PTPRO: variants seen among roughly 807,000 people sequenced by gnomAD.
PTPRO encodes the protein protein tyrosine phosphatase receptor type O, also known as receptor-type tyrosine-protein phosphatase O.
PTPRO carries 62 observed loss-of-function variants against 145.2 expected under a neutral mutation model. The ratio of observed to expected loss-of-function variants is 0.43; its 90% CI spans 0.35 to 0.53. The LOEUF (loss-of-function observed/expected upper bound fraction) is 0.53, where lower values mean the gene tolerates loss of function less well. PTPRO is among the 20% of genes least tolerant of loss of function. PTPRO has a pLI of 0.01. For synonymous variants in PTPRO, 565 were observed against 514.7 expected (o/e 1.10, Z -1.32); for missense variants, 1,345 against 1,482.7 (o/e 0.91, Z 1.53).
At chr12:15,572,630 TAC>T (rs1402353289) in intron 19 of PTPRO, among the ~76,000 whole-genome samples, 2 of 145,184 alleles carry the variant, frequency 1.4e-5, no homozygotes, top group African/African-American at 5.0e-5. Flanking sequence ...GAAAATGAAA[TAC>T]CATTTTTTTC....
intron 1 of PTPRO, among the ~76,000 whole-genome samples, chr12:15,323,137 C>T (rs909303421): frequency 1.3e-5 from 2 of 152,210 alleles, no homozygotes; most frequent in African/African-American, 4.8e-5. Context: ...TTTCTGGTTT[C>T]CACTGCACCC....
At chr12:15,345,532 T>C (rs11056434) in intron 1 of PTPRO, among the ~76,000 whole-genome samples, 35,590 of 151,924 alleles carry the variant, frequency 0.23, 4,526 homozygotes, top group Non-Finnish European at 0.3. Context: ...ACCACATGTT[T>C]GCGTTCATAA....
At chr12:15,466,075 G>A (rs1941408041) in intron 1 of PTPRO, among the ~76,000 whole-genome samples, 1 of 152,102 alleles carries the variant, frequency 6.6e-6, no homozygotes, top group Admixed American at 6.5e-5. Context: ...TCAGATGAGA[G>A]AACTGAGTCT....
rs183478073 is a variant in PTPRO at position 15,333,057 on chromosome 12, T to C, written c.75+10256T>C. Among the ~76,000 whole-genome samples, 37 of 152,268 alleles carry C rather than the reference T, an allele frequency of 2.4e-4. No homozygotes were observed. The East Asian group carries it at 2.7e-3, about 11-fold the overall frequency. ...ATTTTTTTCTTTTTTATAGCCCCAA[T>C]AACAAATTGAGTAGAAAACAGTTTT... On this transcript the variant is annotated intron_variant, in intron 1 of 26. Transcript: ENST00000281171.
intron 1 of PTPRO, among the ~76,000 whole-genome samples, chr12:15,452,123 A>G (rs918618506): frequency 1.3e-5 from 2 of 152,186 alleles, no homozygotes; most frequent in African/African-American, 4.8e-5. Flanking sequence ...AAGAAGAGAG[A>G]AGATCCAAAT....
At chr12:15,530,256 G>A (rs960503757) in intron 12 of PTPRO, among the ~76,000 whole-genome samples, 1 of 152,162 alleles carries the variant, frequency 6.6e-6, no homozygotes, top group African/African-American at 2.4e-5. Context: ...TAAAGGAACA[G>A]ATAGACTTAA....
At chr12:15,323,316 T>C (rs990394958) in intron 1 of PTPRO, among the ~76,000 whole-genome samples, 1 of 152,156 alleles carries the variant, frequency 6.6e-6, no homozygotes, top group Non-Finnish European at 1.5e-5. Context: ...GAGTGTCAGG[T>C]AGAGAGCTTG....
intron 1 of PTPRO, among the ~76,000 whole-genome samples, chr12:15,415,709 C>T (rs1457846473): frequency 6.6e-6 from 1 of 151,748 alleles, no homozygotes; most frequent in Admixed American, 6.6e-5. Flanking sequence ...TTATTACACA[C>T]TCCATTGATT....
intron 1 of PTPRO, among the ~76,000 whole-genome samples, chr12:15,446,040 G>A: frequency 6.6e-6 from 1 of 152,084 alleles, no homozygotes; most frequent in East Asian, 1.9e-4. Flanking sequence ...TTTTTAAACA[G>A]TGAACCACTC....
intron 1 of PTPRO, among the ~76,000 whole-genome samples, chr12:15,343,919 C>T (rs1462717998): frequency 6.6e-6 from 1 of 152,100 alleles, no homozygotes; most frequent in Admixed American, 6.5e-5. Flanking sequence ...CTCCTGACCT[C>T]GTGATCCGCC....
intron 1 of PTPRO, among the ~76,000 whole-genome samples, chr12:15,349,198 G>A (rs1937708038): frequency 6.6e-6 from 1 of 152,264 alleles, no homozygotes; most frequent in East Asian, 1.9e-4. Flanking sequence ...TGGGATCAGG[G>A]AAAATTTCAG....
chr12:15,461,849 A>G (rs1941311252), intron 1 of PTPRO, among the ~76,000 whole-genome samples: 1 of 151,986 alleles, frequency 6.6e-6, no homozygotes, highest in Admixed American at 6.5e-5. Flanking sequence ...TACAGGCGTG[A>G]GCAACCATGC....
chr12:15,500,020 C>A (rs1430553017), intron 4 of PTPRO, among the ~76,000 whole-genome samples: 1 of 151,582 alleles, frequency 6.6e-6, no homozygotes, highest in African/African-American at 2.4e-5. Context: ...AGTAGCACCA[C>A]TAATATGAAG....
intron 16 of PTPRO, among the ~76,000 whole-genome samples, chr12:15,559,877 A>G (rs929113599): frequency 6.6e-6 from 1 of 152,194 alleles, no homozygotes; most frequent in Non-Finnish European, 1.5e-5. Flanking sequence ...ATAACTAATG[A>G]GGCATATAAG....
chr12:15,581,884 C>A (rs111613290), intron 23 of PTPRO, 83 bp downstream of exon 23: 4 of 1,563,344 alleles, frequency 2.6e-6, no homozygotes, highest in Non-Finnish European at 2.6e-6. Context: ...CCTAACCCAG[C>A]GGCGCTAGAG....
chr12:15,353,359 A>T (rs535507063), intron 1 of PTPRO, among the ~76,000 whole-genome samples: 1 of 152,296 alleles, frequency 6.6e-6, no homozygotes, highest in East Asian at 1.9e-4. Context: ...GATACCAGCC[A>T]TTTAGTCTGT....
chr12:15,544,378 G>A (rs538167536), intron 12 of PTPRO, among the ~76,000 whole-genome samples: 5 of 151,790 alleles, frequency 3.3e-5, no homozygotes, highest in African/African-American at 4.8e-5. Context: ...GGTGGCATGC[G>A]CCTGTAGTCT....
chr12:15,540,510 T>C (rs1299947448), intron 12 of PTPRO, among the ~76,000 whole-genome samples: 3 of 152,236 alleles, frequency 2.0e-5, no homozygotes, highest in Non-Finnish European at 4.4e-5. Context: ...CGCTGGTCCT[T>C]ATGGATATAA....
chr12:15,341,689 T>C (rs997948955), intron 1 of PTPRO, among the ~76,000 whole-genome samples: 3 of 152,230 alleles, frequency 2.0e-5, no homozygotes, highest in African/African-American at 4.8e-5. Context: ...CTGGGAAGAA[T>C]TCTTGAATGT....
Sources: gnomAD v4.1 joint callset for allele counts (sites outside exome capture counted in the v4.1 genomes callset) on GRCh38, gnomAD v4.1.1 for gene constraint, MANE v1.5 for transcripts, NCBI Gene and HGNC (gene_info 2026-07-23, HGNC 2026-07-21) for gene names.